The following ADGRL2 variants were observed in gnomAD, a reference collection of about 807,000 sequenced individuals.
The protein encoded by ADGRL2 is calcium-independent alpha-latrotoxin receptor 2.
In ADGRL2, 44 loss-of-function variants were observed where a neutral mutation model predicts 157.4. The observed-to-expected ratio is 0.28, with a 90% confidence interval of 0.22 to 0.36. The LOEUF (loss-of-function observed/expected upper bound fraction) is 0.36, where lower values mean the gene tolerates loss of function less well. Among genes scored for constraint, ADGRL2 ranks in the 10% least tolerant of loss-of-function variants. The probability of loss-of-function intolerance (pLI) is 1.00; values close to 1 mark genes in which losing one functional copy is unlikely to be tolerated. For missense variants in ADGRL2, 1,510 were observed against 1,768.9 expected, an observed-to-expected ratio of 0.85 and a Z score of 2.63; for synonymous variants, 585 against 624.7, an observed-to-expected ratio of 0.94 and a Z score of 0.95.
At chr1:81,379,546 T>C (rs999047672) in intron 1 of ADGRL2, among the ~76,000 whole-genome samples, 6 of 152,114 alleles carry the variant, frequency 3.9e-5, no homozygotes, top group Non-Finnish European at 5.9e-5. Context: ...TTTCAGCAGA[T>C]AGGGGAGCCA....
intron 3 of ADGRL2, among the ~76,000 whole-genome samples, chr1:81,615,714 C>T (rs2081631062): frequency 6.6e-6 from 1 of 152,110 alleles, no homozygotes; most frequent in Non-Finnish European, 1.5e-5. Flanking sequence ...TATTTGAGGT[C>T]CCATCTAAGT....
intron 1 of ADGRL2, among the ~76,000 whole-genome samples, chr1:81,360,116 T>G (rs370225263): frequency 6.6e-6 from 1 of 152,006 alleles, no homozygotes. Flanking sequence ...CATGATCTAC[T>G]CTTTACCCAG....
At chr1:81,592,548 T>A (rs910299000) in intron 3 of ADGRL2, among the ~76,000 whole-genome samples, 1 of 152,150 alleles carries the variant, frequency 6.6e-6, no homozygotes, top group Non-Finnish European at 1.5e-5. Flanking sequence ...TTAGGACCCT[T>A]CTAGTGTCAT....
chr1:81,786,110 A>C (rs1156610075), intron 2 of ADGRL2, among the ~76,000 whole-genome samples: 2 of 151,870 alleles, frequency 1.3e-5, no homozygotes, highest in Non-Finnish European at 2.9e-5. Context: ...TCTCCAAAAA[A>C]TAAAATAAAA....
intron 1 of ADGRL2, among the ~76,000 whole-genome samples, chr1:81,383,457 A>G (rs2076377014): frequency 2.0e-5 from 3 of 151,868 alleles, no homozygotes; most frequent in Non-Finnish European, 4.4e-5. Context: ...ACCACGGGTG[A>G]TTATATATTC....
intron 13 of ADGRL2, 121 bp downstream of exon 13, chr1:81,966,730 C>T: frequency 1.3e-6 from 1 of 785,778 alleles, no homozygotes; most frequent in Non-Finnish European, 2.1e-6. Context: ...AAAGACAAGA[C>T]CTTTCCATTT....
chr1:81,678,774 G>A (rs2083047929), intron 3 of ADGRL2, among the ~76,000 whole-genome samples: 1 of 152,150 alleles, frequency 6.6e-6, no homozygotes, highest in Non-Finnish European at 1.5e-5. Context: ...TAATGAGAAG[G>A]TTCCGAGGTG....
chr1:81,878,431 G>C (rs964677348), intron 2 of ADGRL2, among the ~76,000 whole-genome samples: 1 of 152,204 alleles, frequency 6.6e-6, no homozygotes, highest in Admixed American at 6.5e-5. Flanking sequence ...AAAATTATTC[G>C]TTTGAGTTGT....
Position 81,747,103 on chromosome 1 carries a change from A to ATATATGTGTATATATGTG in ADGRL2, c.-142-14702_-142-14685dup, listed in dbSNP as rs1491231943. Among the ~76,000 whole-genome samples the ATATATGTGTATATATGTG allele has an allele frequency of 1.8e-3, 264 of 145,214 alleles. 4 individuals are homozygous for ATATATGTGTATATATGTG. In the East Asian group the frequency reaches 0.042, roughly 23 times the overall value. ...ATATGTGTATATACGTAATATATAC[A>ATATATGTGTATATATGTG]TATATGTGTATATATGTGTATATAT... On this transcript the variant is annotated intron_variant, in intron 1 of 20. Transcript: ENST00000359929.
intron 2 of ADGRL2, among the ~76,000 whole-genome samples, chr1:81,559,479 G>A (rs2080391689): frequency 6.6e-6 from 1 of 150,872 alleles, no homozygotes; most frequent in Non-Finnish European, 1.5e-5. Flanking sequence ...CCTACCACAC[G>A]GTTTTGCAGT....
At chr1:81,959,947 C>T (rs963166971) in intron 11 of ADGRL2, among the ~76,000 whole-genome samples, 2 of 151,882 alleles carry the variant, frequency 1.3e-5, no homozygotes, top group Non-Finnish European at 2.9e-5. Flanking sequence ...ATTACATGTG[C>T]TCACCACCAT....
rs575188222 is a variant in ADGRL2, at chr1:81,446,303, G to A, written c.-248+1214G>A. Among the ~76,000 whole-genome samples the A allele has an allele frequency of 2.0e-5, 3 of 152,168 alleles. No individual in the cohort carries two copies. In the East Asian group the frequency reaches 5.8e-4, roughly 29 times the overall value. On this transcript the variant is annotated intron_variant, in intron 2 of 24. Transcript: ENST00000370721. ...TTCAGAAACATGCAAACATCAATTG[G>A]CATAGAGTTTCAGGAAGCAGAATAA...
At chr1:81,932,997 T>A (rs2095256770) in intron 3 of ADGRL2, among the ~76,000 whole-genome samples, 1 of 152,166 alleles carries the variant, frequency 6.6e-6, no homozygotes, top group African/African-American at 2.4e-5. Flanking sequence ...CCACCGTGCC[T>A]GGCCAATAAT....
At position 81,665,301 on chromosome 1, in the gene ADGRL2, A is replaced by T. The variant is rs2082731193; in HGVS notation, c.-143+84321A>T. ...TGGAAATCACAGAGGAAGTGTCCTG[A>T]TATCAGTTGCATTTTCCTTTAAAAA... On this transcript the variant is annotated intron_variant, in intron 3 of 24. Coordinates refer to the ADGRL2 transcript ENST00000370721. Among the ~76,000 whole-genome samples, 3 of 152,186 alleles carry T rather than the reference A, an allele frequency of 2.0e-5. No homozygotes were observed. The South Asian group carries it at 6.2e-4, about 31-fold the overall frequency.
chr1:81,578,934 C>T (rs1423903560), intron 2 of ADGRL2, among the ~76,000 whole-genome samples: 2 of 152,072 alleles, frequency 1.3e-5, no homozygotes, highest in Non-Finnish European at 2.9e-5. Flanking sequence ...TAAAATATTC[C>T]TCCTTGTAAA....
intron 2 of ADGRL2, among the ~76,000 whole-genome samples, chr1:81,897,261 G>A (rs979234586): frequency 6.6e-6 from 1 of 152,028 alleles, no homozygotes; most frequent in Non-Finnish European, 1.5e-5. Context: ...GAATAATTGG[G>A]TAATATTGAA....
chr1:81,475,057 G>T (rs769840935), intron 2 of ADGRL2, among the ~76,000 whole-genome samples: 1 of 152,056 alleles, frequency 6.6e-6, no homozygotes, highest in Non-Finnish European at 1.5e-5. Context: ...CGTTCCTTAG[G>T]CCCCCCAAGT....
At chr1:81,416,158 T>C (rs1170408928) in intron 1 of ADGRL2, among the ~76,000 whole-genome samples, 1 of 152,058 alleles carries the variant, frequency 6.6e-6, no homozygotes, top group African/African-American at 2.4e-5. Flanking sequence ...CCGGTCTCCT[T>C]TTCCTTATTG....
At chr1:81,508,982 C>T (rs1031235516) in intron 2 of ADGRL2, among the ~76,000 whole-genome samples, 6 of 152,172 alleles carry the variant, frequency 3.9e-5, no homozygotes, top group African/African-American at 1.4e-4. Flanking sequence ...TGGAATGGTT[C>T]ATCTGTCTTT....
Sources: allele counts gnomAD v4.1 joint callset (sites outside exome capture counted in the v4.1 genomes callset), GRCh38; gene constraint gnomAD v4.1.1; transcripts MANE v1.5; gene names NCBI Gene and HGNC (gene_info 2026-07-23, HGNC 2026-07-21).